The following ABHD18 variants were observed in gnomAD, a reference collection of about 807,000 sequenced individuals.
ABHD18 encodes abhydrolase domain containing 18.
ABHD18 carries 55 observed loss-of-function variants against 65.9 expected under a neutral mutation model. The ratio of observed to expected loss-of-function variants is 0.84; its 90% CI spans 0.67 to 1.05. The LOEUF is 1.05. Ranked by LOEUF, ABHD18 falls within the 50% of genes least tolerant of loss-of-function variation. ABHD18 has a pLI of 0.00. For missense variants in ABHD18, 533 were observed against 558.5 expected (o/e 0.95, Z 0.46); for synonymous variants, 181 against 180.2 (o/e 1.00, Z -0.04).
chr4:127,994,252 T>C (rs537451435), intron 4 of ABHD18, among the ~76,000 whole-genome samples: 2 of 152,350 alleles, frequency 1.3e-5, no homozygotes, highest in East Asian at 3.9e-4. Context: ...ACAGCCTATA[T>C]TGGAAATTTA....
At chr4:128,021,789 C>T (rs1756543019) in intron 10 of ABHD18, among the ~76,000 whole-genome samples, 1 of 150,520 alleles carries the variant, frequency 6.6e-6, no homozygotes, top group Non-Finnish European at 1.5e-5. Context: ...TAAAACTTGA[C>T]CACCCAACCC....
intron 2 of ABHD18, 31 bp from the exon 3 acceptor site, chr4:127,984,308 T>A: frequency 7.2e-7 from 1 of 1,390,774 alleles, no homozygotes; most frequent in East Asian, 2.5e-5. Flanking sequence ...AAAGATTAAT[T>A]TTTTCCTTTT....
At chr4:127,982,300 G>T (rs1206004416) in intron 1 of ABHD18, among the ~76,000 whole-genome samples, 1 of 152,140 alleles carries the variant, frequency 6.6e-6, no homozygotes, top group Non-Finnish European at 1.5e-5. Context: ...ACAAGATAGA[G>T]GTAGATACTT....
intron 1 of ABHD18, among the ~76,000 whole-genome samples, chr4:127,977,485 TA>T (rs1349030401): frequency 1.3e-5 from 2 of 151,992 alleles, no homozygotes; most frequent in African/African-American, 4.8e-5. Flanking sequence ...AAAATAAAAA[TA>T]AAAAATAAAT....
At chr4:127,991,199 G>A (rs746448308) in intron 4 of ABHD18, among the ~76,000 whole-genome samples, 15 of 151,824 alleles carry the variant, frequency 9.9e-5, no homozygotes, top group Non-Finnish European at 1.6e-4. Context: ...GTTTCGTTTT[G>A]TTTTGTTTTT....
At position 127,982,986 on chromosome 4, in the gene ABHD18, C is replaced by A. The variant is rs750671699; in HGVS notation, c.31C>A (p.Arg11=). 1 of 1,566,074 alleles carries A rather than the reference C, an allele frequency of 6.4e-7. No homozygotes were observed. Among genetic ancestry groups the A allele is most frequent in the Non-Finnish European group, 8.7e-7 (1 of 1,153,960 alleles). Residue 11 remains arginine (R), a synonymous_variant, in exon 2 of 13, where the codon CGG becomes AGG. Transcript: ENST00000645843. MGVSKLDILY[R]RLLLTKLFIR... ...TGTGAGCAAGTTAGATATTCTATACCGGAGACTTCTCCTAACAAAACTTTT... is the reference window on the plus strand; with the variant it reads ...TGTGAGCAAGTTAGATATTCTATACAGGAGACTTCTCCTAACAAAACTTTT...
In ABHD18 at chr4:128,015,245, C is replaced by CA. The variant is rs112012252; in HGVS notation, c.471-2110dup. Among the ~76,000 whole-genome samples, 927 of 151,176 alleles carry CA rather than the reference C, an allele frequency of 6.1e-3. 17 individuals are homozygous for CA. The highest frequency in any genetic ancestry group is 0.021 in the African/African-American group (874 of 41,262). On this transcript the variant is annotated intron_variant, in intron 7 of 12. Transcript: ENST00000645843. ...GGGCAATGAGAGTGAGACTCTGTCT[C>CA]AAAAAAAAGAAAAAAGAAATGGTTT...
At chr4:127,996,930 C>T (rs1751839765) in intron 4 of ABHD18, among the ~76,000 whole-genome samples, 2 of 152,162 alleles carry the variant, frequency 1.3e-5, no homozygotes, top group South Asian at 4.1e-4. Flanking sequence ...TTGTTCTGTT[C>T]TTTTTCAGGG....
Position 128,030,565 on chromosome 4 carries a change from T to C in ABHD18, c.1236T>C (p.Ile412=). 1 of 1,607,780 alleles carries C rather than the reference T, an allele frequency of 6.2e-7. No homozygotes were observed. The highest frequency in any genetic ancestry group is 8.5e-7 in the Non-Finnish European group (1 of 1,178,968). ...IVVQAKEDAY[I]PRTGVRSLQE... is the part of the protein sequence containing the mutation. ...TTCAAGCCAAAGAAGATGCCTATAT[T>C]CCACGAACAGGAGTTCGAAGTTTAC... The change falls in exon 12 of 13, where the codon ATT becomes ATC. Residue 412 remains isoleucine (I), a synonymous_variant. Transcript: ENST00000645843.
chr4:127,989,828 A>AT lies in ABHD18; in HGVS notation c.278+14dup, dbSNP rs761775651. 3 of 1,525,228 alleles carry AT rather than the reference A, an allele frequency of 2.0e-6. No homozygotes were observed. Among genetic ancestry groups the AT allele is most frequent in the Admixed American group, 4.2e-5 (2 of 47,178 alleles). The allele number at this position is 1,525,228 out of a possible 1,614,324, so 94.5% of individuals were successfully genotyped here. A position where few individuals can be genotyped will look rare whatever the true frequency, so the allele number is the denominator to read the frequency against. On this transcript the variant is annotated splice_region_variant and intron_variant, in intron 4 of 12. Transcript: ENST00000645843. Reference sequence around the variant, plus strand: ...TTGAATCTGTTATTGCAAGGTAAGAATTTTTTTGTTCAAAAAGATGAATAC... The same window carrying AT: ...TTGAATCTGTTATTGCAAGGTAAGAATTTTTTTTGTTCAAAAAGATGAATAC...
At chr4:127,992,579 A>G (rs1347499925) in intron 4 of ABHD18, among the ~76,000 whole-genome samples, 1 of 152,152 alleles carries the variant, frequency 6.6e-6, no homozygotes, top group African/African-American at 2.4e-5. Context: ...TGCTTTGTCA[A>G]TCAGGCTAGG....
chr4:128,030,867 A>C, intron 12 of ABHD18, 195 bp downstream of exon 12: 2 of 1,344,034 alleles, frequency 1.5e-6, no homozygotes, highest in African/African-American at 3.1e-5. Flanking sequence ...TCTTCTAGAG[A>C]ACTAAGCATG....
At chr4:127,989,695 A>G (rs778324947) in intron 3 of ABHD18, 26 bp from the exon 4 acceptor site, 2 of 1,459,084 alleles carry the variant, frequency 1.4e-6, no homozygotes, top group Non-Finnish European at 1.9e-6. Context: ...TTTCTTGCAT[A>G]CATCTTGGTT....
intron 4 of ABHD18, among the ~76,000 whole-genome samples, chr4:127,993,117 C>G (rs2149093571): frequency 6.6e-6 from 1 of 152,140 alleles, no homozygotes; most frequent in Admixed American, 6.5e-5. Context: ...ATGTGTAGCT[C>G]TTTAGCCAGT....
intron 10 of ABHD18, among the ~76,000 whole-genome samples, chr4:128,021,570 CTT>C (rs1258295857): frequency 1.3e-5 from 2 of 150,778 alleles, no homozygotes; most frequent in African/African-American, 5.0e-5. Flanking sequence ...AGGAGAATCT[CTT>C]GAACTTAGGA....
chr4:128,001,169 C>G (rs985619025), intron 4 of ABHD18, among the ~76,000 whole-genome samples: 1 of 152,080 alleles, frequency 6.6e-6, no homozygotes, highest in Non-Finnish European at 1.5e-5. Flanking sequence ...ATTTCCAATA[C>G]TGTGTTGAAT....
chr4:127,985,961 AC>A (rs1480649460), intron 3 of ABHD18, among the ~76,000 whole-genome samples: 1 of 152,048 alleles, frequency 6.6e-6, no homozygotes, highest in African/African-American at 2.4e-5. Context: ...GTTGCAGTGA[AC>A]CAAGATCGCG....
At chr4:127,970,744 C>G (rs1431713344) in intron 1 of ABHD18, among the ~76,000 whole-genome samples, 1 of 151,804 alleles carries the variant, frequency 6.6e-6, no homozygotes, top group Non-Finnish European at 1.5e-5. Flanking sequence ...GAGTTCGAGA[C>G]TAGCCTGGTC....
At chr4:128,023,396 G>C (rs1756834271) in intron 10 of ABHD18, among the ~76,000 whole-genome samples, 1 of 71,204 alleles carries the variant, frequency 1.4e-5, no homozygotes, top group African/African-American at 5.9e-5. Flanking sequence ...TGAGACTCTT[G>C]TCTCTACAAA....
Sources: gnomAD v4.1 joint callset for allele counts (sites outside exome capture counted in the v4.1 genomes callset) on GRCh38, gnomAD v4.1.1 for gene constraint, MANE v1.5 for transcripts, NCBI Gene and HGNC (gene_info 2026-07-23, HGNC 2026-07-21) for gene names.